CAPRIN2: variants seen among roughly 807,000 people sequenced by gnomAD.
The protein encoded by CAPRIN2 is caprin-2.
CAPRIN2 carries 66 observed loss-of-function variants against 130.4 expected under a neutral mutation model. The ratio of observed to expected loss-of-function variants is 0.51; its 90% CI spans 0.42 to 0.62. The LOEUF is 0.62. Ranked by LOEUF, CAPRIN2 falls within the 20% of genes least tolerant of loss-of-function variation. The probability of loss-of-function intolerance (pLI) is 0.00; values close to 1 mark genes in which losing one functional copy is unlikely to be tolerated. For missense variants in CAPRIN2, 1,185 were observed against 1,246.6 expected, an observed-to-expected ratio of 0.95 and a Z score of 0.74; for synonymous variants, 471 against 444.1, an observed-to-expected ratio of 1.06 and a Z score of -0.76.
At chr12:30,730,415 T>G in intron 6 of CAPRIN2, 133 bp from the exon 8 acceptor site, 1 of 653,748 alleles carries the variant, frequency 1.5e-6, no homozygotes, top group Non-Finnish European at 2.7e-6. Context: ...ATCAAGTATA[T>G]TGATGGCAAG....
At chr12:30,730,279 G>A (rs1263458461) in exon 7 of CAPRIN2, 1 of 1,606,672 alleles carries the variant, frequency 6.2e-7, no homozygotes, top group East Asian at 2.2e-5. Context: ...TTCCATTAGA[G>A]ACTCTGGGAT....
intron 12 of CAPRIN2, 78 bp downstream of exon 13, chr12:30,720,733 C>T: frequency 2.4e-6 from 2 of 820,616 alleles, no homozygotes; most frequent in Non-Finnish European, 4.2e-6. Context: ...TTCAACTAAT[C>T]ATGCCTGTAA....
chr12:30,718,487 A>G (rs2058376720), intron 12 of CAPRIN2, among the ~76,000 whole-genome samples: 1 of 152,152 alleles, frequency 6.6e-6, no homozygotes, highest in Non-Finnish European at 1.5e-5. Context: ...TTTCCCCCAC[A>G]AAGAACTGTT....
At chr12:30,744,559 C>G (rs1171880659) in intron 2 of CAPRIN2, among the ~76,000 whole-genome samples, 1 of 152,142 alleles carries the variant, frequency 6.6e-6, no homozygotes, top group Non-Finnish European at 1.5e-5. Flanking sequence ...CCTCCCTCCC[C>G]CCTTTCACTG....
chr12:30,746,775 T>TA (rs1364411137), intron 2 of CAPRIN2, among the ~76,000 whole-genome samples: 1 of 152,156 alleles, frequency 6.6e-6, no homozygotes, highest in African/African-American at 2.4e-5. Flanking sequence ...TCATGAGGTT[T>TA]AAGGAAAGAA....
At chr12:30,729,228 G>A (rs1323800920) in exon 8 of CAPRIN2, 8 of 1,612,956 alleles carry the variant, frequency 5.0e-6, no homozygotes, top group Non-Finnish European at 5.9e-6. Flanking sequence ...CCAACGTTTT[G>A]GGAGATTTGG....
rs755834502 is a variant in CAPRIN2, at chr12:30,729,213, A to G, written c.1217T>C (p.Met406Thr). 1.6e-5 allele frequency: 26 copies of G among 1,613,806 alleles called. No individual in the cohort carries two copies. Among genetic ancestry groups the G allele is most frequent in the Admixed American group, 1.0e-4 (6 of 59,944 alleles). The change falls in exon 8 of 17, where the codon ATG (methionine) becomes ACG (threonine). Residue 406 changes from methionine to threonine, a missense_variant. Coordinates refer to ENST00000298892, the Ensembl canonical transcript of CAPRIN2. ...CTCTTGACCATCTGGTTCAGTAAGC[A>G]TATCCCAACGTTTTGGGAGATTTGG...
chr12:30,716,486 A>G, intron 13 of CAPRIN2, 22 bp downstream of exon 15: 1 of 1,609,158 alleles, frequency 6.2e-7, no homozygotes, highest in Non-Finnish European at 8.5e-7. Flanking sequence ...AGTCTTCCAA[A>G]TATCATATGC....
At chr12:30,727,209 G>A (rs561580418) in intron 8 of CAPRIN2, among the ~76,000 whole-genome samples, 50 of 152,212 alleles carry the variant, frequency 3.3e-4, no homozygotes, top group South Asian at 2.7e-3. Flanking sequence ...TTTCAAAATA[G>A]TTACATTACA....
chr12:30,745,746 G>T (rs2069820885), intron 2 of CAPRIN2, among the ~76,000 whole-genome samples: 1 of 151,852 alleles, frequency 6.6e-6, no homozygotes, highest in Non-Finnish European at 1.5e-5. Context: ...TTAAAAAGTG[G>T]AATAAAGTAA....
chr12:30,711,552 C>T lies in CAPRIN2; in HGVS notation c.2665+14G>A. ...TGTGCTGGGTAAGAAAACTATTCAG[C>T]TAATTACCCTTACCTCTCGAATTTG... On this transcript the variant is annotated intron_variant, in intron 16 of 16. Coordinates refer to ENST00000298892, the Ensembl canonical transcript of CAPRIN2. 1 of 1,601,740 alleles carries T rather than the reference C, an allele frequency of 6.2e-7. No individual in the cohort carries two copies.
In CAPRIN2 at chr12:30,713,939, T is replaced by C. The variant is rs2056416145; in HGVS notation, c.2501-54A>G. The C allele has an allele frequency of 4.8e-6, 5 of 1,046,982 alleles. No individual in the cohort carries two copies. In the South Asian group the frequency reaches 6.6e-5, roughly 14 times the overall value. The allele number at this position is 1,046,982 out of a possible 1,614,324, so 64.9% of individuals were successfully genotyped here. On this transcript the variant is annotated intron_variant, in intron 14 of 16. Coordinates refer to ENST00000298892, the Ensembl canonical transcript of CAPRIN2. ...TATGGACAAAATCATATTAAACTTT[T>C]AAACAGTCTAATTCTATATTGCTTT... is the stretch of plus-strand genomic sequence containing the variant.
chr12:30,754,435 G>A, exon 1 of CAPRIN2: 1 of 152,542 alleles, frequency 6.6e-6, no homozygotes, highest in Non-Finnish European at 1.5e-5. Context: ...ACGCCAGCGC[G>A]CACCCCCTCA....
Position 30,750,969 on chromosome 12 carries a change from C to CTGTG in CAPRIN2, c.483+98_483+101dup, listed in dbSNP as rs140578233. The stretch of plus-strand genomic sequence containing the variant: ...GTTTTGAACAAACTATGGATTTTAA[C>CTGTG]TGTGTGTGTGTGTGCTATAAAGACT... On this transcript the variant is annotated intron_variant, in intron 2 of 16. Transcript: ENST00000298892. The CTGTG allele has an allele frequency of 3.7e-6, 3 of 815,154 alleles. No homozygotes were observed. The African/African-American group carries it at 5.1e-5, about 14-fold the overall frequency. The allele number at this position is 815,154 out of a possible 1,614,324, so 50.5% of individuals were successfully genotyped here.
chr12:30,713,948 T>A, intron 14 of CAPRIN2, 63 bp from the exon 17 acceptor site: 1 of 946,674 alleles, frequency 1.1e-6, no homozygotes, highest in Non-Finnish European at 1.7e-6. Flanking sequence ...TTAAACAGTC[T>A]AATTCTATAT....
intron 9 of CAPRIN2, among the ~76,000 whole-genome samples, 172 bp from the exon 11 acceptor site, chr12:30,724,623 T>C (rs990076814): frequency 6.6e-6 from 1 of 152,138 alleles, no homozygotes; most frequent in South Asian, 2.1e-4. Flanking sequence ...CTAGTCTCCA[T>C]AGATAAAGAA....
intron 2 of CAPRIN2, among the ~76,000 whole-genome samples, chr12:30,749,084 A>G (rs1455525706): frequency 6.6e-6 from 1 of 152,158 alleles, no homozygotes; most frequent in Non-Finnish European, 1.5e-5. Context: ...TAAAAGGCTG[A>G]AGGAGGTTGG....
At chr12:30,726,122 A>G (rs752874757) in intron 8 of CAPRIN2, 34 bp from the exon 10 acceptor site, 1 of 1,372,756 alleles carries the variant, frequency 7.3e-7, no homozygotes, top group Non-Finnish European at 9.5e-7. Flanking sequence ...TAAGAGTGAA[A>G]TGCAAATTCA....
In CAPRIN2 at chr12:30,719,072, TACTC is replaced by T. The variant is rs1565568248; in HGVS notation, c.2148+1735_2148+1738del. On this transcript the variant is annotated intron_variant, in intron 12 of 16. Transcript: ENST00000298892. Reference sequence around the variant, plus strand: ...AACTGCAATCATCATTCATGTTTCATACTCACTGTCTGCATGGCTTGAAAGGGTG... The same window carrying T: ...AACTGCAATCATCATTCATGTTTCATACTGTCTGCATGGCTTGAAAGGGTG... 1.2e-6 allele frequency: 2 copies of T among 1,612,766 alleles called. No individual in the cohort carries two copies. Among genetic ancestry groups the T allele is most frequent in the Admixed American group, 1.7e-5 (1 of 59,928 alleles).
Sources: gnomAD v4.1 joint callset for allele counts (sites outside exome capture counted in the v4.1 genomes callset) on GRCh38, gnomAD v4.1.1 for gene constraint, MANE v1.5 for transcripts, NCBI Gene and HGNC (gene_info 2026-07-23, HGNC 2026-07-21) for gene names.